Variants in TESK2 observed in about 807,000 individuals in gnomAD.
The protein encoded by TESK2 is dual specificity testis-specific protein kinase 2.
Under a neutral mutation model 57.1 loss-of-function variants are expected in TESK2, and 39 were observed. The ratio of observed to expected loss-of-function variants is 0.68; its 90% CI spans 0.53 to 0.89. The LOEUF (loss-of-function observed/expected upper bound fraction) is 0.89, where lower values mean the gene tolerates loss of function less well. Among genes scored for constraint, TESK2 ranks in the 40% least tolerant of loss-of-function variants. The pLI is 0.00. For synonymous variants in TESK2, 249 were observed against 267.9 expected, an observed-to-expected ratio of 0.93 and a Z score of 0.69; for missense variants, 646 against 732.1, an observed-to-expected ratio of 0.88 and a Z score of 1.36.
intron 3 of TESK2, among the ~76,000 whole-genome samples, chr1:45,386,898 C>T (rs1648924768): frequency 1.3e-5 from 2 of 152,104 alleles, no homozygotes; most frequent in Non-Finnish European, 1.5e-5. Flanking sequence ...GTGATCCACC[C>T]GCCTCGGCCT....
intron 3 of TESK2, chr1:45,415,057 C>A: frequency 7.8e-7 from 1 of 1,283,324 alleles, no homozygotes; most frequent in South Asian, 1.2e-5. Context: ...ACATCACAGT[C>A]AAACAGCGAG....
chr1:45,384,389 G>GTCTGTCTATCTATCTATCTA (rs1355753034), intron 4 of TESK2, among the ~76,000 whole-genome samples: 2 of 144,370 alleles, frequency 1.4e-5, no homozygotes, highest in African/African-American at 5.2e-5. Flanking sequence ...CTATCTATCT[G>GTCTGTCTATCTATCTATCTA]TCTATCTATC....
In TESK2 at chr1:45,421,724, C is replaced by G; in HGVS notation, c.344+1G>C. The G allele has an allele frequency of 6.2e-7, 1 of 1,613,958 alleles. No homozygotes were observed. The highest frequency in any genetic ancestry group is 8.5e-7 in the Non-Finnish European group (1 of 1,179,938). On this transcript the variant is annotated splice_donor_variant, in intron 3 of 10. Coordinates refer to ENST00000372086, the MANE Select transcript of TESK2 (RefSeq NM_007170.3). LOFTEE classifies it high-confidence loss of function. ...GATCAGAAGGAAGGAAAAGCCATTA[C>G]CTAAGGATGTTGGGATGGGAGAGTC...
intron 3 of TESK2, among the ~76,000 whole-genome samples, chr1:45,412,305 C>T (rs547175642): frequency 2.6e-5 from 4 of 152,274 alleles, no homozygotes; most frequent in Admixed American, 1.3e-4. Context: ...CCCACATATA[C>T]GGGAAGGAAT....
chr1:45,408,460 G>A (rs1284297349), intron 3 of TESK2, among the ~76,000 whole-genome samples: 1 of 151,966 alleles, frequency 6.6e-6, no homozygotes, highest in Non-Finnish European at 1.5e-5. Context: ...CTTTCAATCT[G>A]GAAGCACATG....
At position 45,347,615 on chromosome 1, in the gene TESK2, A is replaced by T. The variant is rs768723232; in HGVS notation, c.702T>A (p.Asn234Lys). The T allele has an allele frequency of 6.2e-7, 1 of 1,613,638 alleles. No individual in the cohort carries two copies. The highest frequency in any genetic ancestry group is 1.3e-5 in the African/African-American group (1 of 75,016). ...APEVLRDEPY[N>K]EKADVFSYGI... ...TGAGATCCTCCAAACTTACCTTTTC[A>T]TTATAGGGCTCATCTCGGAGAACCT... is the stretch of plus-strand genomic sequence containing the variant. Residue 234 changes from asparagine (N) to lysine (K), a missense_variant, in exon 7 of 11, where the codon AAT becomes AAA. Coordinates refer to ENST00000372086, the MANE Select transcript of TESK2 (RefSeq NM_007170.3).
intron 2 of TESK2, among the ~76,000 whole-genome samples, chr1:45,448,596 C>T (rs1651739950): frequency 6.6e-6 from 1 of 151,938 alleles, no homozygotes; most frequent in Non-Finnish European, 1.5e-5. Flanking sequence ...GGGGAGGTCC[C>T]AGATTCTTTT....
intron 1 of TESK2, among the ~76,000 whole-genome samples, chr1:45,464,211 T>C (rs1312577756): frequency 6.6e-6 from 1 of 152,128 alleles, no homozygotes; most frequent in East Asian, 1.9e-4. Context: ...ATTTCTTTCA[T>C]CAATATTTTA....
intron 2 of TESK2, among the ~76,000 whole-genome samples, chr1:45,452,115 CTT>C (rs931341394): frequency 2.6e-4 from 39 of 149,884 alleles, no homozygotes; most frequent in African/African-American, 7.7e-4. Context: ...GGGGCAAACT[CTT>C]TTGAAAATAT....
intron 2 of TESK2, among the ~76,000 whole-genome samples, chr1:45,441,770 C>T (rs1651454776): frequency 6.6e-6 from 1 of 151,720 alleles, no homozygotes; most frequent in Non-Finnish European, 1.5e-5. Context: ...GTACGTGCCA[C>T]CACGCCCAGC....
At chr1:45,434,599 A>G (rs1651118359) in intron 2 of TESK2, among the ~76,000 whole-genome samples, 2 of 151,836 alleles carry the variant, frequency 1.3e-5, no homozygotes, top group African/African-American at 2.4e-5. Flanking sequence ...TTTTTCGTAT[A>G]CCTGTTGACC....
chr1:45,461,690 T>C (rs1231448978), intron 1 of TESK2, among the ~76,000 whole-genome samples: 2 of 152,226 alleles, frequency 1.3e-5, no homozygotes, highest in Non-Finnish European at 2.9e-5. Flanking sequence ...GTAAAGTACA[T>C]AAAACATCGT....
At chr1:45,382,837 C>T (rs1035743042) in intron 4 of TESK2, among the ~76,000 whole-genome samples, 1 of 152,050 alleles carries the variant, frequency 6.6e-6, no homozygotes, top group African/African-American at 2.4e-5. Context: ...CATTGCACTC[C>T]AGCCTGGGCA....
intron 2 of TESK2, among the ~76,000 whole-genome samples, chr1:45,428,839 T>TTTTTG (rs1650825735): frequency 6.8e-6 from 1 of 146,690 alleles, no homozygotes. Flanking sequence ...TTTTTTTTTT[T>TTTTTG]GAGACGGAGT....
At chr1:45,444,373 T>C (rs776926309) in intron 2 of TESK2, among the ~76,000 whole-genome samples, 12 of 152,182 alleles carry the variant, frequency 7.9e-5, no homozygotes, top group Non-Finnish European at 1.8e-4. Context: ...TGATAATGTT[T>C]TCACCATAAA....
chr1:45,448,237 CAAAAAAA>C lies in TESK2; in HGVS notation c.222+9320_222+9326del, dbSNP rs762537140. 5.8e-3 allele frequency among the ~76,000 whole-genome samples: 491 copies of C among 84,368 alleles called. 4 individuals carry two copies. The highest frequency in any genetic ancestry group is 0.019 in the African/African-American group (421 of 22,444). 55.3% of individuals were successfully genotyped at this position (84,368 alleles called of 152,430 possible). The stretch of plus-strand genomic sequence containing the variant: ...TGGGAGACAGAGTGAGACCCTGTCT[CAAAAAAA>C]AAAAAAAAAAAGAAAAAAGAAAAAG... On this transcript the variant is annotated intron_variant, in intron 2 of 10. Transcript: ENST00000372086.
intron 2 of TESK2, among the ~76,000 whole-genome samples, chr1:45,441,372 TC>T (rs1418286375): frequency 6.6e-6 from 1 of 151,956 alleles, no homozygotes; most frequent in Non-Finnish European, 1.5e-5. Flanking sequence ...GTTTTGCCAT[TC>T]GCCATGTTGG....
chr1:45,432,466 C>T (rs1198036652), intron 2 of TESK2, among the ~76,000 whole-genome samples: 3 of 151,652 alleles, frequency 2.0e-5, no homozygotes, highest in Admixed American at 2.0e-4. Context: ...CCGAGGCGGG[C>T]AGATCACAAG....
chr1:45,385,244 T>C, intron 4 of TESK2: 2 of 684,134 alleles, frequency 2.9e-6, no homozygotes, highest in South Asian at 1.3e-4. Flanking sequence ...TCCAGGAATC[T>C]GTGTTTCCAA....
Sources: gnomAD v4.1 joint callset for allele counts (sites outside exome capture counted in the v4.1 genomes callset) on GRCh38, gnomAD v4.1.1 for gene constraint, MANE v1.5 for transcripts, NCBI Gene and HGNC (gene_info 2026-07-23, HGNC 2026-07-21) for gene names.